The following DCBLD2 variants were observed in gnomAD, a reference collection of about 807,000 sequenced individuals.
The protein encoded by DCBLD2 is discoidin, CUB and LCCL domain-containing protein 2.
A neutral mutation model predicts 86.8 loss-of-function variants in DCBLD2; 54 were observed. The observed-to-expected ratio is 0.62, with a 90% CI of 0.50 to 0.78. The LOEUF is 0.78. DCBLD2 is among the 30% of genes least tolerant of loss of function. DCBLD2 has a pLI of 0.00. For missense variants in DCBLD2, 908 were observed against 954.2 expected, an observed-to-expected ratio of 0.95 and a Z score of 0.64; for synonymous variants, 354 against 341.3, an observed-to-expected ratio of 1.04 and a Z score of -0.41.
chr3:98,840,869 CT>C (rs1343047347), intron 3 of DCBLD2, among the ~76,000 whole-genome samples: 1 of 152,216 alleles, frequency 6.6e-6, no homozygotes, highest in East Asian at 1.9e-4. Context: ...ATACAAATGA[CT>C]GTAACACATT....
chr3:98,856,455 C>T (rs1278415763), intron 2 of DCBLD2, among the ~76,000 whole-genome samples: 1 of 152,078 alleles, frequency 6.6e-6, no homozygotes, highest in Non-Finnish European at 1.5e-5. Context: ...ACTGCCAGCC[C>T]TATCCACAGA....
At chr3:98,849,297 T>C in intron 3 of DCBLD2, 164 bp downstream of exon 3, 1 of 826,900 alleles carries the variant, frequency 1.2e-6, no homozygotes, top group Non-Finnish European at 1.9e-6. Context: ...TTTTGGAACT[T>C]TGAAACTGAA....
intron 13 of DCBLD2, among the ~76,000 whole-genome samples, chr3:98,807,616 A>G (rs1941864394): frequency 6.6e-6 from 1 of 152,158 alleles, no homozygotes; most frequent in African/African-American, 2.4e-5. Context: ...AAACAAAGAC[A>G]TCTACCTTCC....
At chr3:98,865,293 A>G (rs942768807) in intron 2 of DCBLD2, among the ~76,000 whole-genome samples, 1 of 152,208 alleles carries the variant, frequency 6.6e-6, no homozygotes, top group Non-Finnish European at 1.5e-5. Flanking sequence ...TATTAAAAAA[A>G]AAAGAAACCC....
intron 1 of DCBLD2, among the ~76,000 whole-genome samples, chr3:98,892,273 G>C (rs1283896490): frequency 6.6e-6 from 1 of 151,980 alleles, no homozygotes; most frequent in Non-Finnish European, 1.5e-5. Context: ...TAAATGTAAA[G>C]GTTCAGTAAG....
chr3:98,836,609 C>A (rs1343069684), intron 3 of DCBLD2, among the ~76,000 whole-genome samples: 1 of 143,644 alleles, frequency 7.0e-6, no homozygotes, highest in African/African-American at 2.6e-5. Flanking sequence ...AGCTGTTGGG[C>A]ACACCTCCCA....
Position 98,799,333 on chromosome 3 carries a change from G to A in DCBLD2, c.*39C>T, listed in dbSNP as rs148319233. The A allele has an allele frequency of 3.3e-6, 5 of 1,519,764 alleles. No homozygotes were observed. Among genetic ancestry groups the A allele is most frequent in the Admixed American group, 4.3e-5 (2 of 46,528 alleles). The allele number at this position is 1,519,764 out of a possible 1,614,324, so 94.1% of individuals were successfully genotyped here. Reference sequence around the variant, plus strand: ...CTAATAATTAAAAAAAAAAGGCCATGTGCTTTAAAACGATGCTTTGTAAAA... The same window carrying A: ...CTAATAATTAAAAAAAAAAGGCCATATGCTTTAAAACGATGCTTTGTAAAA... On this transcript the variant is annotated 3_prime_UTR_variant, in exon 16 of 16. Coordinates refer to ENST00000326840, the MANE Select transcript of DCBLD2 (RefSeq NM_080927.4).
At chr3:98,883,113 T>C (rs561933945) in intron 1 of DCBLD2, among the ~76,000 whole-genome samples, 1 of 152,348 alleles carries the variant, frequency 6.6e-6, no homozygotes, top group East Asian at 1.9e-4. Flanking sequence ...TGATTACCAT[T>C]CTAACTGGCC....
chr3:98,874,913 A>T lies in DCBLD2; in HGVS notation c.433+6627T>A, dbSNP rs940501323. 2.0e-5 allele frequency among the ~76,000 whole-genome samples: 3 copies of T among 152,168 alleles called. No homozygotes were observed. In the South Asian group the frequency reaches 6.2e-4, roughly 32 times the overall value. On this transcript the variant is annotated intron_variant, in intron 2 of 15. Coordinates refer to ENST00000326840, the MANE Select transcript of DCBLD2 (RefSeq NM_080927.4). ...CTAGCCTCCAAAACTCTGAGAAAGT[A>T]AACTGCTGTTTTTTTAAGCCACTCG... is the stretch of plus-strand genomic sequence containing the variant.
chr3:98,812,745 C>T, intron 9 of DCBLD2: 1 of 273,082 alleles, frequency 3.7e-6, no homozygotes, highest in South Asian at 5.8e-5. Flanking sequence ...AGAGGGCTAA[C>T]TTGGCATTTG....
chr3:98,860,835 G>C (rs1042995089), intron 2 of DCBLD2, among the ~76,000 whole-genome samples: 1 of 152,164 alleles, frequency 6.6e-6, no homozygotes, highest in Admixed American at 6.5e-5. Flanking sequence ...AAAATAACCA[G>C]CTAACATCAC....
At chr3:98,865,418 A>T (rs191650842) in intron 2 of DCBLD2, among the ~76,000 whole-genome samples, 1 of 152,334 alleles carries the variant, frequency 6.6e-6, no homozygotes, top group East Asian at 1.9e-4. Context: ...TAAAAAAGAC[A>T]AACTCACAGA....
chr3:98,814,473 T>C (rs533086549), intron 9 of DCBLD2: 2 of 152,184 alleles, frequency 1.3e-5, no homozygotes, highest in Non-Finnish European at 2.9e-5. Flanking sequence ...TACAGAGAAG[T>C]ATGTGAGGTG....
At chr3:98,851,825 C>A (rs975620119) in intron 2 of DCBLD2, among the ~76,000 whole-genome samples, 3 of 152,148 alleles carry the variant, frequency 2.0e-5, no homozygotes, top group Non-Finnish European at 4.4e-5. Context: ...AAACAAGCAA[C>A]GGGGAAAGGG....
intron 2 of DCBLD2, among the ~76,000 whole-genome samples, chr3:98,854,413 C>A (rs185333286): frequency 6.6e-6 from 1 of 152,260 alleles, no homozygotes; most frequent in East Asian, 1.9e-4. Flanking sequence ...ATAATCATTT[C>A]TCTTATACTG....
chr3:98,856,559 T>G (rs1279663872), intron 2 of DCBLD2, among the ~76,000 whole-genome samples: 2 of 151,790 alleles, frequency 1.3e-5, no homozygotes, highest in Non-Finnish European at 2.9e-5. Flanking sequence ...ATGAAAACCC[T>G]CTCCCCCTAT....
intron 3 of DCBLD2, among the ~76,000 whole-genome samples, chr3:98,846,036 C>T (rs1942714978): frequency 6.6e-6 from 1 of 152,218 alleles, no homozygotes; most frequent in South Asian, 2.1e-4. Context: ...CAACCCTATA[C>T]TGCAAGTTCC....
chr3:98,879,329 T>A (rs530846158), intron 2 of DCBLD2, among the ~76,000 whole-genome samples: 1 of 152,196 alleles, frequency 6.6e-6, no homozygotes, highest in Non-Finnish European at 1.5e-5. Context: ...CATTATTACA[T>A]CTAAAACAGT....
At chr3:98,847,464 C>T (rs1467666931) in intron 3 of DCBLD2, among the ~76,000 whole-genome samples, 1 of 152,194 alleles carries the variant, frequency 6.6e-6, no homozygotes, top group African/African-American at 2.4e-5. Context: ...TTCTCATTTA[C>T]TATGAAAGAT....
Sources: gnomAD v4.1 joint callset for allele counts (sites outside exome capture counted in the v4.1 genomes callset) on GRCh38, gnomAD v4.1.1 for gene constraint, MANE v1.5 for transcripts, NCBI Gene and HGNC (gene_info 2026-07-23, HGNC 2026-07-21) for gene names.